Variants in PALM2AKAP2 observed in about 807,000 individuals in gnomAD.
PALM2AKAP2 encodes the protein PALM2-AKAP2 fusion protein.
A neutral mutation model predicts 71.5 loss-of-function variants in PALM2AKAP2; 37 were observed. That is an observed-to-expected ratio of 0.52 (90% CI 0.40 to 0.68). The LOEUF is 0.68. PALM2AKAP2 is among the 30% of genes least tolerant of loss of function. The probability of loss-of-function intolerance (pLI) is 0.00; values close to 1 mark genes in which losing one functional copy is unlikely to be tolerated. For synonymous variants in PALM2AKAP2, 468 were observed against 478.8 expected, an observed-to-expected ratio of 0.98 and a Z score of 0.29; for missense variants, 1,224 against 1,191.8, an observed-to-expected ratio of 1.03 and a Z score of -0.40.
intron 6 of PALM2AKAP2, chr9:109,944,731 C>G (rs1189495465): frequency 2.6e-5 from 4 of 152,040 alleles, no homozygotes; most frequent in Admixed American, 6.6e-5. Flanking sequence ...TATTTTTTAT[C>G]TAGAACACAA....
At chr9:109,679,768 C>G (rs942727735) in intron 1 of PALM2AKAP2, among the ~76,000 whole-genome samples, 1 of 152,098 alleles carries the variant, frequency 6.6e-6, no homozygotes, top group Non-Finnish European at 1.5e-5. Flanking sequence ...TCCTCTTCTC[C>G]CCTAGGGTAA....
At chr9:109,867,184 GTGTGTGTGTGTGTGTGTGTGTC>G (rs1242614337) in intron 1 of PALM2AKAP2, 3 of 430,478 alleles carry the variant, frequency 7.0e-6, no homozygotes, top group African/African-American at 4.1e-5. Context: ...GTGTGTGTGT[GTGTGTGTGTGTGTGTGTGTGTC>G]TGTGTGTGTG....
intron 6 of PALM2AKAP2, among the ~76,000 whole-genome samples, chr9:109,967,144 C>G (rs549425232): frequency 1.5e-4 from 23 of 152,262 alleles, no homozygotes; most frequent in African/African-American, 4.3e-4. Flanking sequence ...CTTCCTCCCC[C>G]TCGTGTCCGG....
At chr9:109,720,678 C>A (rs1828392117) in intron 1 of PALM2AKAP2, among the ~76,000 whole-genome samples, 1 of 152,180 alleles carries the variant, frequency 6.6e-6, no homozygotes, top group South Asian at 2.1e-4. Context: ...GATTTAAAGT[C>A]ATTTCATATG....
intron 2 of PALM2AKAP2, among the ~76,000 whole-genome samples, chr9:109,874,770 C>T (rs572155932): frequency 2.2e-4 from 33 of 152,192 alleles, no homozygotes; most frequent in African/African-American, 7.7e-4. Context: ...TTGATGATAC[C>T]ACTATTCACC....
chr9:110,046,304 T>C (rs1833595796), upstream of PALM2AKAP2, among the ~76,000 whole-genome samples: 1 of 152,210 alleles, frequency 6.6e-6, no homozygotes, highest in Non-Finnish European at 1.5e-5. Context: ...GAAGAAAATG[T>C]TCTTATAAAT....
chr9:109,873,496 A>G (rs1297224878), intron 2 of PALM2AKAP2, among the ~76,000 whole-genome samples: 1 of 147,046 alleles, frequency 6.8e-6, no homozygotes, highest in Non-Finnish European at 1.5e-5. Flanking sequence ...ATAAAATAAA[A>G]TTGAATTTAG....
chr9:109,658,179 G>T (rs1440187516), intron 1 of PALM2AKAP2, among the ~76,000 whole-genome samples: 1 of 152,098 alleles, frequency 6.6e-6, no homozygotes, highest in Non-Finnish European at 1.5e-5. Context: ...AGGGTGGTTG[G>T]CTGTATGAGT....
At chr9:109,837,423 C>T (rs1828511445) in intron 1 of PALM2AKAP2, among the ~76,000 whole-genome samples, 1 of 152,198 alleles carries the variant, frequency 6.6e-6, no homozygotes. Context: ...ACTGCAAAAA[C>T]ATGCCAAATT....
At chr9:109,859,301 G>A (rs1374388836) in intron 1 of PALM2AKAP2, among the ~76,000 whole-genome samples, 3 of 152,180 alleles carry the variant, frequency 2.0e-5, no homozygotes, top group Non-Finnish European at 4.4e-5. Flanking sequence ...GGATGAGAGA[G>A]GTTGGTTAAT....
intron 1 of PALM2AKAP2, among the ~76,000 whole-genome samples, chr9:109,780,965 C>A (rs758955812): frequency 6.6e-6 from 1 of 152,188 alleles, no homozygotes; most frequent in Non-Finnish European, 1.5e-5. Context: ...CAGGAGTCAG[C>A]GACTCAGCCA....
At chr9:109,923,990 G>A (rs1830895326) in intron 4 of PALM2AKAP2, 141 bp downstream of exon 4, 1 of 887,530 alleles carries the variant, frequency 1.1e-6, no homozygotes, top group Middle Eastern at 2.3e-4. Context: ...GGGCAGATGT[G>A]TGAGGACCAG....
chr9:110,134,315 A>G (rs1358242593), intron 1 of PALM2AKAP2, among the ~76,000 whole-genome samples: 1 of 152,144 alleles, frequency 6.6e-6, no homozygotes, highest in Non-Finnish European at 1.5e-5. Context: ...AAAAACTACT[A>G]TTTAATGATG....
chr9:109,759,213 T>A (rs1281306211), intron 1 of PALM2AKAP2, among the ~76,000 whole-genome samples: 1 of 152,122 alleles, frequency 6.6e-6, no homozygotes, highest in African/African-American at 2.4e-5. Context: ...TCTTGATGTA[T>A]GGAGTCATTT....
At chr9:110,046,096 G>A (rs1377846079), upstream of PALM2AKAP2, among the ~76,000 whole-genome samples, 1 of 152,006 alleles carries the variant, frequency 6.6e-6, no homozygotes, top group African/African-American at 2.4e-5. Context: ...ACCCTCAATT[G>A]GGAACCACTG....
intron 1 of PALM2AKAP2, among the ~76,000 whole-genome samples, chr9:110,077,799 A>T (rs948756562): frequency 8.5e-5 from 13 of 152,132 alleles, no homozygotes; most frequent in African/African-American, 3.1e-4. Context: ...TCGGATCACG[A>T]GGTCAGGAGT....
At chr9:109,972,097 A>C (rs534122640) in intron 6 of PALM2AKAP2, among the ~76,000 whole-genome samples, 6 of 152,198 alleles carry the variant, frequency 3.9e-5, no homozygotes, top group Non-Finnish European at 8.8e-5. Flanking sequence ...ACTAAGGTGG[A>C]ACTCCTTAAG....
At chr9:109,899,081 T>C (rs1830272110) in intron 3 of PALM2AKAP2, among the ~76,000 whole-genome samples, 1 of 152,166 alleles carries the variant, frequency 6.6e-6, no homozygotes, top group Non-Finnish European at 1.5e-5. Flanking sequence ...ATATAGGCAT[T>C]CTTTGATCTA....
intron 1 of PALM2AKAP2, among the ~76,000 whole-genome samples, chr9:109,670,937 A>T (rs1280897161): frequency 1.3e-5 from 2 of 152,106 alleles, no homozygotes; most frequent in Non-Finnish European, 2.9e-5. Flanking sequence ...ATGTCTGTTC[A>T]TGTCCTTTGC....
Sources: gnomAD v4.1 joint callset for allele counts (sites outside exome capture counted in the v4.1 genomes callset) on GRCh38, gnomAD v4.1.1 for gene constraint, MANE v1.5 for transcripts, NCBI Gene and HGNC (gene_info 2026-07-23, HGNC 2026-07-21) for gene names.